HMGA2: variants seen among roughly 807,000 people sequenced by gnomAD.
HMGA2 encodes the protein high mobility group protein HMGI-C.
In HMGA2, 8 loss-of-function variants were observed where a neutral mutation model predicts 19.1. That is an observed-to-expected ratio of 0.42 (90% CI 0.25 to 0.76). HMGA2 has a LOEUF of 0.76. Among genes scored for constraint, HMGA2 ranks in the 30% least tolerant of loss-of-function variants. The probability of loss-of-function intolerance (pLI) is 0.28; values close to 1 mark genes in which losing one functional copy is unlikely to be tolerated. For synonymous variants in HMGA2, 60 were observed against 48.8 expected, an observed-to-expected ratio of 1.23 and a Z score of -0.96; for missense variants, 109 against 136.3, an observed-to-expected ratio of 0.80 and a Z score of 1.00.
chr12:65,953,169 G>A (rs111778072), intron 4 of HMGA2: 1 of 152,052 alleles, frequency 6.6e-6, no homozygotes. Context: ...TATTTGGTCT[G>A]GAGATCCATC....
intron 3 of HMGA2, among the ~76,000 whole-genome samples, chr12:65,868,327 A>C (rs1367587336): frequency 6.6e-6 from 1 of 151,858 alleles, no homozygotes; most frequent in East Asian, 1.9e-4. Flanking sequence ...TTTTTTTCCC[A>C]AAATGCCATT....
rs75386941 is a variant in HMGA2, at chr12:65,911,923, C to T, written c.250-39460C>T. 2.3e-3 allele frequency among the ~76,000 whole-genome samples: 348 copies of T among 152,272 alleles called. 14 individuals are homozygous for T. The East Asian group carries it at 0.062, about 27-fold the overall frequency. On this transcript the variant is annotated intron_variant, in intron 3 of 4. Transcript: ENST00000403681. ...AAATTATGTTACAAGCATGGCCAAA[C>T]AGAAATGAAACTATGATAGTGGCAT... is the stretch of plus-strand genomic sequence containing the variant.
chr12:65,849,669 A>G (rs1871369185), intron 3 of HMGA2, among the ~76,000 whole-genome samples: 1 of 149,756 alleles, frequency 6.7e-6, no homozygotes, highest in South Asian at 2.1e-4. Context: ...TGGATTTGCT[A>G]TTGAGATTTT....
At chr12:65,943,153 A>G (rs1011067123) in intron 3 of HMGA2, among the ~76,000 whole-genome samples, 1 of 152,150 alleles carries the variant, frequency 6.6e-6, no homozygotes, top group Non-Finnish European at 1.5e-5. Flanking sequence ...AGGCTTCTTG[A>G]AAGATTTCTT....
chr12:65,937,791 T>G (rs1384534121), intron 3 of HMGA2, among the ~76,000 whole-genome samples: 3 of 152,350 alleles, frequency 2.0e-5, no homozygotes, highest in Non-Finnish European at 4.4e-5. Flanking sequence ...AAACACTTTA[T>G]GCACTAGCCC....
At chr12:65,842,993 A>C in intron 3 of HMGA2, 1 of 521,120 alleles carries the variant, frequency 1.9e-6, no homozygotes, top group Non-Finnish European at 2.7e-6. Flanking sequence ...GCAAGAACCA[A>C]ATAATGAAGA....
At chr12:65,845,272 C>T (rs2583936) in intron 3 of HMGA2, among the ~76,000 whole-genome samples, 11,323 of 151,688 alleles carry the variant, frequency 0.075, 471 homozygotes, top group South Asian at 0.14. Flanking sequence ...TGTTTTGTTT[C>T]GTTTTGTTTT....
chr12:65,879,277 G>A (rs1410734141), intron 3 of HMGA2, among the ~76,000 whole-genome samples: 2 of 150,102 alleles, frequency 1.3e-5, no homozygotes, highest in Non-Finnish European at 2.9e-5. Flanking sequence ...ACAGGCATGT[G>A]CCACCATACC....
At chr12:65,948,741 G>T (rs1876353373) in intron 3 of HMGA2, among the ~76,000 whole-genome samples, 1 of 152,174 alleles carries the variant, frequency 6.6e-6, no homozygotes, top group Admixed American at 6.5e-5. Context: ...GAAGTTCCGT[G>T]ACACGGACTA....
At chr12:65,881,996 G>T in intron 3 of HMGA2, 1 of 690,234 alleles carries the variant, frequency 1.4e-6, no homozygotes, top group Admixed American at 2.0e-5. Flanking sequence ...TCCTGTCCCT[G>T]GGCGGTCAGT....
chr12:65,938,272 A>G (rs975133115), intron 3 of HMGA2, among the ~76,000 whole-genome samples: 7 of 152,228 alleles, frequency 4.6e-5, no homozygotes, highest in East Asian at 1.9e-4. Context: ...CCAACTTTAA[A>G]TGTGCATCAT....
intron 3 of HMGA2, among the ~76,000 whole-genome samples, chr12:65,903,629 AT>A (rs370374228): frequency 2.0e-5 from 3 of 151,384 alleles, no homozygotes; most frequent in East Asian, 1.9e-4. Context: ...CACAGTGAGT[AT>A]TTTTTTTTAG....
intron 3 of HMGA2, among the ~76,000 whole-genome samples, chr12:65,906,548 T>A (rs182203977): frequency 2.9e-4 from 44 of 152,258 alleles, no homozygotes; most frequent in Non-Finnish European, 2.2e-4. Context: ...TCACTTCCCA[T>A]ACTTCAGCAA....
chr12:65,834,524 C>T, intron 2 of HMGA2, among the ~76,000 whole-genome samples: 1 of 149,252 alleles, frequency 6.7e-6, no homozygotes, highest in East Asian at 2.0e-4. Flanking sequence ...CCCTCCCTCC[C>T]TTCTTCCTCC....
chr12:65,889,464 G>A (rs1368557181), intron 3 of HMGA2, among the ~76,000 whole-genome samples: 3 of 152,142 alleles, frequency 2.0e-5, no homozygotes, highest in Non-Finnish European at 4.4e-5. Flanking sequence ...ACGTGTATAT[G>A]TATATATACC....
At chr12:65,888,452 C>A (rs1217348388) in intron 3 of HMGA2, among the ~76,000 whole-genome samples, 2 of 149,256 alleles carry the variant, frequency 1.3e-5, no homozygotes, top group African/African-American at 2.5e-5. Context: ...GAGACTCAGT[C>A]CCCCCCAAAA....
rs1040900144 is a variant in HMGA2, at chr12:65,825,841, T to A, written c.111+460T>A. The A allele has an allele frequency of 1.3e-5, 2 of 151,710 alleles. No homozygotes were observed. Among genetic ancestry groups the A allele is most frequent in the African/African-American group, 4.8e-5 (2 of 41,254 alleles). The allele number at this position is 151,710 out of a possible 1,614,324, so 9.4% of individuals were successfully genotyped here. A position where few individuals can be genotyped will look rare whatever the true frequency, so the allele number is the denominator to read the frequency against. On this transcript the variant is annotated intron_variant, in intron 1 of 4. Coordinates refer to ENST00000403681, the MANE Select transcript of HMGA2 (RefSeq NM_003483.6). This position sits in a 1 kb window ranked among gnomAD's most constrained non-coding sequence, Gnocchi z 4.4. ...GGCTAGAGTCTTGGGGGCCGGAGGC[T>A]CTTTCTCCCGCCTCCCGGGGCTGCT...
intron 2 of HMGA2, among the ~76,000 whole-genome samples, chr12:65,829,356 C>G (rs1255003104): frequency 1.3e-5 from 2 of 151,912 alleles, no homozygotes; most frequent in East Asian, 3.8e-4. Context: ...TAAAATAGCT[C>G]TAAGTAACCT....
At position 65,828,079 on chromosome 12, in the gene HMGA2, G is replaced by C. The variant is rs1870298775; in HGVS notation, c.190G>C (p.Ala64Pro). The change falls in exon 2 of 5, where the codon GCT becomes CCT. Residue 64 changes from alanine (A) to proline (P), a missense_variant. Transcript: ENST00000403681. Reference sequence around the variant, plus strand: ...CAAAAACAAGAGTCCCTCTAAAGCAGCTCAAAAGGTGAGATTTCTCAAGTC... The same window carrying C: ...CAAAAACAAGAGTCCCTCTAAAGCACCTCAAAAGGTGAGATTTCTCAAGTC... ...GSKNKSPSKAAQKKAEATGEK... is the reference protein window; with the variant it reads ...GSKNKSPSKAPQKKAEATGEK... The C allele has an allele frequency of 5.6e-6, 9 of 1,612,264 alleles. No individual in the cohort carries two copies. Among genetic ancestry groups the C allele is most frequent in the Non-Finnish European group, 7.6e-6 (9 of 1,178,516 alleles).
Sources: gnomAD v4.1 joint callset for allele counts (sites outside exome capture counted in the v4.1 genomes callset) on GRCh38, gnomAD v4.1.1 for gene constraint, Gnocchi (gnomAD v3.1) non-coding constraint, MANE v1.5 for transcripts, NCBI Gene and HGNC (gene_info 2026-07-23, HGNC 2026-07-21) for gene names.